Variants in THSD7A observed in about 807,000 individuals in gnomAD.
The protein encoded by THSD7A is thrombospondin type 1 domain containing 7A.
In THSD7A, 96 loss-of-function variants were observed where a neutral mutation model predicts 231.3. That is an observed-to-expected ratio of 0.41 (90% CI 0.35 to 0.49). THSD7A has a LOEUF of 0.49. Ranked by LOEUF, THSD7A falls within the 20% of genes least tolerant of loss-of-function variation. THSD7A has a pLI of 0.05. For missense variants in THSD7A, 2,290 were observed against 2,070.2 expected, an observed-to-expected ratio of 1.11 and a Z score of -2.06; for synonymous variants, 940 against 743.3, an observed-to-expected ratio of 1.26 and a Z score of -4.30.
chr7:11,498,372 G>A (rs73070814), intron 6 of THSD7A, among the ~76,000 whole-genome samples: 3 of 152,138 alleles, frequency 2.0e-5, no homozygotes, highest in Non-Finnish European at 2.9e-5. Context: ...TGGCCAGACT[G>A]CTGCTTTAAA....
chr7:11,467,175 C>T (rs1785743766), intron 9 of THSD7A, among the ~76,000 whole-genome samples: 1 of 152,088 alleles, frequency 6.6e-6, no homozygotes. Flanking sequence ...TTAAGGCTTT[C>T]CTGATGTCTC....
intron 3 of THSD7A, 107 bp downstream of exon 3, chr7:11,593,147 T>C: frequency 7.0e-7 from 1 of 1,422,904 alleles, no homozygotes; most frequent in Non-Finnish European, 9.3e-7. Context: ...TGTAAAGATA[T>C]TTTTTATGTG....
At chr7:11,690,357 G>A (rs1202576200) in intron 1 of THSD7A, among the ~76,000 whole-genome samples, 2 of 151,680 alleles carry the variant, frequency 1.3e-5, no homozygotes, top group Admixed American at 1.3e-4. Context: ...TAGGATTAAG[G>A]CATAAAGTAG....
At chr7:11,609,333 G>A (rs1041840132) in intron 2 of THSD7A, among the ~76,000 whole-genome samples, 9 of 151,984 alleles carry the variant, frequency 5.9e-5, no homozygotes, top group African/African-American at 1.7e-4. Context: ...AGCCTGCCCC[G>A]GCCCATGAAA....
At chr7:11,574,684 C>T (rs1790809179) in intron 4 of THSD7A, among the ~76,000 whole-genome samples, 1 of 151,916 alleles carries the variant, frequency 6.6e-6, no homozygotes, top group African/African-American at 2.4e-5. Context: ...GATCCGCCCA[C>T]CTCGGCCTCC....
At chr7:11,530,752 G>A (rs12666325) in intron 6 of THSD7A, among the ~76,000 whole-genome samples, 39,747 of 152,008 alleles carry the variant, frequency 0.26, 5,333 homozygotes, top group Middle Eastern at 0.37. Context: ...GCTCATGCCT[G>A]TAAATCCCAA....
intron 6 of THSD7A, among the ~76,000 whole-genome samples, chr7:11,535,223 C>T (rs544904065): frequency 6.6e-6 from 1 of 152,072 alleles, no homozygotes; most frequent in Non-Finnish European, 1.5e-5. Flanking sequence ...TTTGCTACAA[C>T]ATTGCCATTC....
chr7:11,663,042 AAG>A (rs1217609416), intron 1 of THSD7A, among the ~76,000 whole-genome samples: 4 of 151,132 alleles, frequency 2.6e-5, no homozygotes, highest in African/African-American at 9.7e-5. Flanking sequence ...AGAAAATAGA[AAG>A]AGAGAAATAC....
At chr7:11,645,877 C>T (rs951791908) in intron 1 of THSD7A, among the ~76,000 whole-genome samples, 1 of 151,800 alleles carries the variant, frequency 6.6e-6, no homozygotes, top group East Asian at 1.9e-4. Flanking sequence ...ATCAACCACT[C>T]AAATATTTCT....
chr7:11,618,742 C>G (rs1964216), intron 2 of THSD7A, among the ~76,000 whole-genome samples: 32,500 of 150,634 alleles, frequency 0.22, 4,434 homozygotes, highest in Non-Finnish European at 0.31. Context: ...GAGCAGAGAT[C>G]GCGCCAACAC....
intron 13 of THSD7A, among the ~76,000 whole-genome samples, chr7:11,445,164 T>C (rs1244305263): frequency 6.6e-6 from 1 of 152,004 alleles, no homozygotes; most frequent in Non-Finnish European, 1.5e-5. Context: ...CCATGTATCA[T>C]GCTTCTAGCA....
intron 27 of THSD7A, among the ~76,000 whole-genome samples, 174 bp from the exon 28 acceptor site, chr7:11,376,052 T>C (rs570291949): frequency 1.3e-5 from 2 of 152,254 alleles, no homozygotes; most frequent in East Asian, 3.9e-4. Flanking sequence ...ATTTCAGTTT[T>C]ATGCTTTGAA....
intron 16 of THSD7A, among the ~76,000 whole-genome samples, chr7:11,420,367 G>A (rs1784103381): frequency 6.6e-6 from 1 of 152,208 alleles, no homozygotes; most frequent in African/African-American, 2.4e-5. Flanking sequence ...TCCAGCTCCA[G>A]CCATGGTTAA....
chr7:11,612,169 C>T (rs1281313564), intron 2 of THSD7A, among the ~76,000 whole-genome samples: 1 of 152,126 alleles, frequency 6.6e-6, no homozygotes, highest in Non-Finnish European at 1.5e-5. Flanking sequence ...ATGCTGTTCT[C>T]CCTCTCCATA....
chr7:11,816,826 C>T (rs1784717355), intron 1 of THSD7A, among the ~76,000 whole-genome samples: 1 of 151,998 alleles, frequency 6.6e-6, no homozygotes, highest in Non-Finnish European at 1.5e-5. Flanking sequence ...TTCTTAATAT[C>T]AGGTAAAATT....
intron 1 of THSD7A, among the ~76,000 whole-genome samples, chr7:11,787,078 A>G (rs1257572860): frequency 6.6e-6 from 1 of 152,142 alleles, no homozygotes; most frequent in Non-Finnish European, 1.5e-5. Flanking sequence ...GTAACATTGA[A>G]CTGACTTATA....
Position 11,406,284 on chromosome 7 carries a change from C to T in THSD7A, c.4237+16G>A, listed in dbSNP as rs1783578145. On this transcript the variant is annotated intron_variant, in intron 22 of 27. Coordinates refer to ENST00000423059, the MANE Select transcript of THSD7A (RefSeq NM_015204.3). The surrounding 1 kb of genome is among the most constrained non-coding windows in gnomAD (Gnocchi z 4.7). Reference sequence around the variant, plus strand: ...AAAAAATAATCAGAATATGAATTCTCCTTTGCCGTTGTTACCTGGGCAAGG... The same window carrying T: ...AAAAAATAATCAGAATATGAATTCTTCTTTGCCGTTGTTACCTGGGCAAGG... The T allele has an allele frequency of 1.4e-5, 22 of 1,594,268 alleles. No individual in the cohort carries two copies. The highest frequency in any genetic ancestry group is 1.9e-5 in the Non-Finnish European group (22 of 1,171,498).
At chr7:11,423,019 GA>G (rs201800881) in intron 16 of THSD7A, among the ~76,000 whole-genome samples, 2 of 151,454 alleles carry the variant, frequency 1.3e-5, no homozygotes, top group Non-Finnish European at 2.9e-5. Context: ...TTATTTTGAA[GA>G]AAAAAAATAA....
intron 6 of THSD7A, among the ~76,000 whole-genome samples, chr7:11,505,448 T>TG (rs1349982828): frequency 1.3e-5 from 2 of 148,450 alleles, no homozygotes; most frequent in Non-Finnish European, 3.0e-5. Flanking sequence ...AGTGTAAAGT[T>TG]TTTTTTTTTT....
Sources: gnomAD v4.1 joint callset for allele counts (sites outside exome capture counted in the v4.1 genomes callset) on GRCh38, gnomAD v4.1.1 for gene constraint, Gnocchi (gnomAD v3.1) non-coding constraint, MANE v1.5 for transcripts, NCBI Gene and HGNC (gene_info 2026-07-23, HGNC 2026-07-21) for gene names.